The following NXPH1 variants were observed in gnomAD, a reference collection of about 807,000 sequenced individuals.
NXPH1 encodes neurexophilin-1.
Under a neutral mutation model 23.7 loss-of-function variants are expected in NXPH1, and 5 were observed. That is an observed-to-expected ratio of 0.21 (90% CI 0.11 to 0.44). The LOEUF is 0.44. Ranked by LOEUF, NXPH1 falls within the 20% of genes least tolerant of loss-of-function variation. The pLI is 0.99. For synonymous variants in NXPH1, 144 were observed against 122.2 expected, an observed-to-expected ratio of 1.18 and a Z score of -1.18; for missense variants, 324 against 321.6, an observed-to-expected ratio of 1.01 and a Z score of -0.06.
chr7:8,494,358 T>G (rs1817300707), intron 2 of NXPH1, among the ~76,000 whole-genome samples: 1 of 151,988 alleles, frequency 6.6e-6, no homozygotes, highest in Non-Finnish European at 1.5e-5. Flanking sequence ...TCTCTTTGTA[T>G]CCACCTGTGA....
chr7:8,484,557 C>T (rs376428785), intron 2 of NXPH1, among the ~76,000 whole-genome samples: 2 of 152,220 alleles, frequency 1.3e-5, no homozygotes, highest in East Asian at 3.9e-4. Context: ...AAGATTAGCC[C>T]TGTAAGTTTT....
chr7:8,458,268 G>T (rs1319655950), intron 2 of NXPH1, among the ~76,000 whole-genome samples: 1 of 152,182 alleles, frequency 6.6e-6, no homozygotes, highest in Non-Finnish European at 1.5e-5. Context: ...AAGACCAGAT[G>T]AGGAATTTTC....
intron 2 of NXPH1, among the ~76,000 whole-genome samples, chr7:8,582,453 C>T (rs955811588): frequency 3.9e-5 from 6 of 152,256 alleles, no homozygotes; most frequent in East Asian, 1.9e-4. Context: ...TAGAATAGCT[C>T]GCAGGAGACT....
At chr7:8,719,653 AG>A (rs1779933594) in intron 2 of NXPH1, among the ~76,000 whole-genome samples, 1 of 152,234 alleles carries the variant, frequency 6.6e-6, no homozygotes, top group African/African-American at 2.4e-5. Flanking sequence ...CCCATAAAAA[AG>A]GCATCTGCCT....
intron 2 of NXPH1, among the ~76,000 whole-genome samples, chr7:8,743,186 T>C (rs940528808): frequency 7.2e-5 from 11 of 152,222 alleles, no homozygotes; most frequent in Non-Finnish European, 1.5e-4. Context: ...GCAATAGTTT[T>C]TTTTTTAAAC....
At chr7:8,715,177 G>T (rs1172696097) in intron 2 of NXPH1, among the ~76,000 whole-genome samples, 1 of 152,096 alleles carries the variant, frequency 6.6e-6, no homozygotes, top group East Asian at 1.9e-4. Flanking sequence ...CCCCTCTGTG[G>T]GTGCTGGCCA....
rs79398977 is a variant in NXPH1 at position 8,505,438 on chromosome 7, C to A, written c.54+69671C>A. 1.4e-3 allele frequency among the ~76,000 whole-genome samples: 211 copies of A among 152,086 alleles called. 1 individual carries two copies. Among genetic ancestry groups the A allele is most frequent in the African/African-American group, 5.0e-3 (206 of 41,514 alleles). On this transcript the variant is annotated intron_variant, in intron 2 of 2. Coordinates refer to ENST00000405863, the MANE Select transcript of NXPH1 (RefSeq NM_152745.3). Reference sequence around the variant, plus strand: ...AATATAGTCATTTGTGAGCAATATACCATGAGAATACCTATGCCTAGAAAT... The same window carrying A: ...AATATAGTCATTTGTGAGCAATATAACATGAGAATACCTATGCCTAGAAAT...
intron 2 of NXPH1, among the ~76,000 whole-genome samples, chr7:8,612,406 A>G (rs1819641649): frequency 6.6e-6 from 1 of 151,964 alleles, no homozygotes; most frequent in Non-Finnish European, 1.5e-5. Flanking sequence ...AGTTTTGAGA[A>G]GAGGAGATAT....
At chr7:8,586,002 A>T (rs2128624583) in intron 2 of NXPH1, among the ~76,000 whole-genome samples, 1 of 152,310 alleles carries the variant, frequency 6.6e-6, no homozygotes. Context: ...TCAGTGTGGA[A>T]CAGACATCGA....
intron 2 of NXPH1, among the ~76,000 whole-genome samples, chr7:8,447,575 T>C (rs1432162702): frequency 6.6e-6 from 1 of 152,238 alleles, no homozygotes; most frequent in African/African-American, 2.4e-5. Flanking sequence ...GCAGCTACAA[T>C]ATCTAGCTAT....
At chr7:8,688,174 C>T (rs552994170) in intron 2 of NXPH1, among the ~76,000 whole-genome samples, 1 of 152,210 alleles carries the variant, frequency 6.6e-6, no homozygotes, top group South Asian at 2.1e-4. Context: ...CTTCAAAATG[C>T]ACAGCTGACT....
intron 2 of NXPH1, among the ~76,000 whole-genome samples, chr7:8,490,656 A>C (rs2214693): frequency 0.34 from 51,425 of 151,788 alleles, 9,500 homozygotes; most frequent in East Asian, 0.62. Context: ...ACAACTGTTT[A>C]CTAGTATAAA....
At chr7:8,454,313 G>A (rs1816554660) in intron 2 of NXPH1, among the ~76,000 whole-genome samples, 1 of 152,152 alleles carries the variant, frequency 6.6e-6, no homozygotes, top group Non-Finnish European at 1.5e-5. Flanking sequence ...CAGTAGTTTA[G>A]CAGTGAACTC....
intron 2 of NXPH1, among the ~76,000 whole-genome samples, chr7:8,586,497 G>C (rs894109367): frequency 6.6e-6 from 1 of 152,046 alleles, no homozygotes; most frequent in Non-Finnish European, 1.5e-5. Context: ...GGTCAGAGAA[G>C]TTTCCAAAGA....
intron 2 of NXPH1, among the ~76,000 whole-genome samples, chr7:8,454,431 C>T (rs1816556916): frequency 6.6e-6 from 1 of 152,108 alleles, no homozygotes; most frequent in Non-Finnish European, 1.5e-5. Context: ...CATTTATCCT[C>T]TGCTTTGTGC....
At chr7:8,693,576 C>A (rs1821255583) in intron 2 of NXPH1, among the ~76,000 whole-genome samples, 1 of 152,170 alleles carries the variant, frequency 6.6e-6, no homozygotes, top group Admixed American at 6.6e-5. Flanking sequence ...ATCTATGTCA[C>A]AAGATTGTTG....
At chr7:8,706,521 A>G (rs1210954000) in intron 2 of NXPH1, among the ~76,000 whole-genome samples, 1 of 152,198 alleles carries the variant, frequency 6.6e-6, no homozygotes, top group East Asian at 1.9e-4. Context: ...AAGATGTTGC[A>G]TTCTATGTAA....
At chr7:8,636,777 G>C (rs940306546) in intron 2 of NXPH1, among the ~76,000 whole-genome samples, 1 of 152,202 alleles carries the variant, frequency 6.6e-6, no homozygotes, top group African/African-American at 2.4e-5. Context: ...CAAATTACCT[G>C]TTTGGGTTTC....
At chr7:8,634,012 T>C (rs1820175511) in intron 2 of NXPH1, among the ~76,000 whole-genome samples, 2 of 152,284 alleles carry the variant, frequency 1.3e-5, no homozygotes, top group Non-Finnish European at 2.9e-5. Flanking sequence ...TATTCCATTA[T>C]AGGGTAATTC....
Sources: allele counts gnomAD v4.1 joint callset (sites outside exome capture counted in the v4.1 genomes callset), GRCh38; gene constraint gnomAD v4.1.1; transcripts MANE v1.5; gene names NCBI Gene and HGNC (gene_info 2026-07-23, HGNC 2026-07-21).